Variants in ACTMAP observed in about 807,000 individuals in gnomAD.
ACTMAP encodes the protein actin maturation protease.
At chr19:40,745,113 C>G in the ACTMAP span, 5 of 1,551,666 alleles carry the variant, frequency 3.2e-6, no homozygotes, top group Middle Eastern at 1.7e-4. Flanking sequence ...CTGGGGTTCC[C>G]GCATCAGGGC....
chr19:40,745,096 A>G, the ACTMAP span: 1 of 1,550,616 alleles, frequency 6.4e-7, no homozygotes, highest in African/African-American at 1.4e-5. Context: ...TAAAGGCAGC[A>G]GATGGGCTGG....
At chr19:40,741,441 T>TAAAA in the ACTMAP span, 1 of 200,420 alleles carries the variant, frequency 5.0e-6, no homozygotes, top group Non-Finnish European at 1.0e-5. Context: ...AGACTCCATC[T>TAAAA]AAAAAAAAAA....
chr19:40,741,421 C>T, the ACTMAP span: 246 of 221,708 alleles, frequency 1.1e-3, 3 homozygotes, highest in African/African-American at 5.4e-3. Flanking sequence ...CCAGCCTGGA[C>T]GACAGAACGA....
At chr19:40,740,877 A>G in the ACTMAP span, 1 of 398,084 alleles carries the variant, frequency 2.5e-6, no homozygotes, top group Admixed American at 4.4e-5. Context: ...AGAGCTTTTT[A>G]TTTTGCATCT....
the ACTMAP span, among the ~76,000 whole-genome samples, chr19:40,745,403 C>T: frequency 2.1e-3 from 314 of 152,346 alleles, 3 homozygotes; most frequent in African/African-American, 7.0e-3. Flanking sequence ...AATGGTCCTT[C>T]TGCCTGCCTG....
chr19:40,749,053 C>T, the ACTMAP span, among the ~76,000 whole-genome samples: 1 of 146,864 alleles, frequency 6.8e-6, no homozygotes, highest in Non-Finnish European at 1.5e-5. Context: ...TGCAGTGGCG[C>T]AATTTTGGCT....
At chr19:40,742,915 G>T in the ACTMAP span, 1 of 813,106 alleles carries the variant, frequency 1.2e-6, no homozygotes, top group Non-Finnish European at 1.9e-6. Flanking sequence ...TGGCCAGTGG[G>T]TTGGGATTTG....
At chr19:40,749,416 C>A in the ACTMAP span, 2 of 1,417,928 alleles carry the variant, frequency 1.4e-6, no homozygotes, top group South Asian at 1.3e-5. Flanking sequence ...CCCCCCCCCA[C>A]CCCAAGAGAT....
chr19:40,746,106 A>T, the ACTMAP span, among the ~76,000 whole-genome samples: 1 of 152,228 alleles, frequency 6.6e-6, no homozygotes, highest in African/African-American at 2.4e-5. Flanking sequence ...TTTGAATAAA[A>T]CCAGGTAACA....
the ACTMAP span, chr19:40,743,949 G>A: frequency 5.4e-5 from 87 of 1,613,892 alleles, no homozygotes; most frequent in African/African-American, 8.0e-5. Context: ...CCTCTGACAC[G>A]GCTCATGGTT....
the ACTMAP span, among the ~76,000 whole-genome samples, chr19:40,747,886 A>C: frequency 6.6e-6 from 1 of 151,484 alleles, no homozygotes; most frequent in Non-Finnish European, 1.5e-5. Context: ...AAACAAACAA[A>C]CAGCTTGGAG....
the ACTMAP span, chr19:40,745,115 C>T: frequency 2.6e-6 from 4 of 1,551,732 alleles, no homozygotes; most frequent in African/African-American, 4.1e-5. Flanking sequence ...GGGGTTCCCG[C>T]ATCAGGGCAC....
chr19:40,748,672 G>A, the ACTMAP span, among the ~76,000 whole-genome samples: 1 of 152,150 alleles, frequency 6.6e-6, no homozygotes, highest in African/African-American at 2.4e-5. Context: ...GCGTGGGCTG[G>A]CTCTGCCGCT....
At chr19:40,741,076 G>T in the ACTMAP span, 1 of 398,790 alleles carries the variant, frequency 2.5e-6, no homozygotes, top group Non-Finnish European at 4.4e-6. Flanking sequence ...CTGGGATGGG[G>T]GATGCACAGA....
the ACTMAP span, chr19:40,749,354 C>T: frequency 4.2e-6 from 4 of 954,298 alleles, no homozygotes; most frequent in Admixed American, 5.7e-5. Flanking sequence ...TGGAAGAGAT[C>T]TAGGTGGGGG....
chr19:40,749,244 G>A, the ACTMAP span, among the ~76,000 whole-genome samples: 1 of 152,278 alleles, frequency 6.6e-6, no homozygotes, highest in South Asian at 2.1e-4. Flanking sequence ...ACCCGCCTCG[G>A]CCTCCCAAAG....
At chr19:40,742,847 C>A in the ACTMAP span, 1 of 1,376,966 alleles carries the variant, frequency 7.3e-7, no homozygotes, top group Non-Finnish European at 9.9e-7. Flanking sequence ...GTTCCGCCCT[C>A]TCCCGGCCCT....
chr19:40,745,067 A>T, the ACTMAP span: 1 of 1,524,694 alleles, frequency 6.6e-7, no homozygotes, highest in Admixed American at 2.0e-5. Flanking sequence ...AGTCCTTAAG[A>T]AGCCCAGCAA....
At chr19:40,742,496 A>AC in the ACTMAP span, 6 of 1,510,914 alleles carry the variant, frequency 4.0e-6, no homozygotes, top group Non-Finnish European at 5.3e-6. Context: ...CCCGTACCCC[A>AC]CCCACGGGCA....
Sources: allele counts gnomAD v4.1 joint callset (sites outside exome capture counted in the v4.1 genomes callset), GRCh38; gene constraint gnomAD v4.1.1; transcripts MANE v1.5; gene names NCBI Gene and HGNC (gene_info 2026-07-23, HGNC 2026-07-21).